ADGRL3: variants seen among roughly 807,000 people sequenced by gnomAD.
The protein encoded by ADGRL3 is adhesion G protein-coupled receptor L3, also known as calcium-independent alpha-latrotoxin receptor 3.
A neutral mutation model predicts 153.5 loss-of-function variants in ADGRL3; 62 were observed. That is an observed-to-expected ratio of 0.40 (90% CI 0.33 to 0.50). The LOEUF (loss-of-function observed/expected upper bound fraction) is 0.50, where lower values mean the gene tolerates loss of function less well. Ranked by LOEUF, ADGRL3 falls within the 20% of genes least tolerant of loss-of-function variation. ADGRL3 has a pLI of 0.47. For missense variants in ADGRL3, 1,641 were observed against 1,859.4 expected (o/e 0.88, Z 2.16); for synonymous variants, 710 against 672.5 (o/e 1.06, Z -0.86).
rs555605843 is a variant in ADGRL3 at position 61,503,213 on chromosome 4, A to AT, written c.55+5876dup. Among the ~76,000 whole-genome samples the AT allele has an allele frequency of 4.3e-3, 635 of 147,956 alleles. 7 individuals carry two copies. Among genetic ancestry groups the AT allele is most frequent in the South Asian group, 0.036 (170 of 4,686 alleles). On this transcript the variant is annotated intron_variant, in intron 3 of 26. Transcript: ENST00000683033. ...TATGCAGGTTGGCAATTGGAAAATAATTTTTTTTTTTGCTTTTGTACTTGC... is the reference window on the plus strand; with the variant it reads ...TATGCAGGTTGGCAATTGGAAAATAATTTTTTTTTTTTGCTTTTGTACTTGC...
intron 9 of ADGRL3, among the ~76,000 whole-genome samples, chr4:61,845,911 C>T (rs2098111671): frequency 6.6e-6 from 1 of 152,088 alleles, no homozygotes; most frequent in Non-Finnish European, 1.5e-5. Context: ...AGTACCATTC[C>T]TATTAACGTG....
chr4:61,360,341 A>G (rs1026807074), intron 1 of ADGRL3, among the ~76,000 whole-genome samples: 4 of 152,180 alleles, frequency 2.6e-5, no homozygotes, highest in Admixed American at 2.6e-4. Context: ...AAGATGATAT[A>G]TGAAAAATTT....
chr4:61,633,153 G>A (rs989299982), intron 5 of ADGRL3, among the ~76,000 whole-genome samples: 1 of 151,298 alleles, frequency 6.6e-6, no homozygotes, highest in Non-Finnish European at 1.5e-5. Context: ...CTGACTATTG[G>A]AGCAACTCTA....
chr4:61,803,945 T>C (rs1174147580), intron 8 of ADGRL3, among the ~76,000 whole-genome samples: 1 of 152,194 alleles, frequency 6.6e-6, no homozygotes, highest in African/African-American at 2.4e-5. Context: ...ATTCCTTTGA[T>C]TAATGCTGCA....
At chr4:61,715,970 A>C (rs1037909255) in intron 6 of ADGRL3, among the ~76,000 whole-genome samples, 1 of 149,452 alleles carries the variant, frequency 6.7e-6, no homozygotes, top group Non-Finnish European at 1.5e-5. Context: ...AAAAAAAAAA[A>C]TCCTTTCCTC....
At position 61,822,932 on chromosome 4, in the gene ADGRL3, C is replaced by T. The variant is rs1029339047; in HGVS notation, c.1480+9043C>T. Among the ~76,000 whole-genome samples the T allele has an allele frequency of 7.2e-5, 11 of 152,180 alleles. 1 individual carries two copies. The highest frequency in any genetic ancestry group is 1.5e-4 in the Non-Finnish European group (10 of 68,034). On this transcript the variant is annotated intron_variant, in intron 9 of 26. Coordinates refer to ENST00000683033, the MANE Select transcript of ADGRL3 (RefSeq NM_001387552.1). ...GGTTTGATGTGACTGGTTGCAGATCCAGTGATAATGATGCTCACGTTGAAT... is the reference window on the plus strand; with the variant it reads ...GGTTTGATGTGACTGGTTGCAGATCTAGTGATAATGATGCTCACGTTGAAT...
chr4:62,060,732 G>C (rs1434093244), intron 25 of ADGRL3, among the ~76,000 whole-genome samples: 1 of 151,382 alleles, frequency 6.6e-6, no homozygotes, highest in African/African-American at 2.4e-5. Flanking sequence ...TCATTTTTTT[G>C]TCCAAAAGGC....
intron 6 of ADGRL3, among the ~76,000 whole-genome samples, chr4:61,722,100 C>T (rs2096253146): frequency 6.6e-6 from 1 of 152,112 alleles, no homozygotes. Flanking sequence ...CCCCAAATCA[C>T]AGTTTACTTT....
chr4:61,372,836 C>T lies in ADGRL3; in HGVS notation c.-239-10288C>T, dbSNP rs563398562. On this transcript the variant is annotated intron_variant, in intron 1 of 26. Transcript: ENST00000683033. The stretch of plus-strand genomic sequence containing the variant: ...GGCGCCCCTCCCCCAGTCTCGCTGC[C>T]GCCTTGCAGTTTGATCTCAGACTGC... Among the ~76,000 whole-genome samples, 25 of 152,258 alleles carry T rather than the reference C, an allele frequency of 1.6e-4. 1 individual carries two copies. The highest frequency in any genetic ancestry group is 5.2e-4 in the Admixed American group (8 of 15,290).
chr4:61,220,784 T>C (rs1478045943), intron 1 of ADGRL3, among the ~76,000 whole-genome samples: 1 of 152,206 alleles, frequency 6.6e-6, no homozygotes, highest in African/African-American at 2.4e-5. Flanking sequence ...TGACTTATTC[T>C]GAAAGGAATG....
In ADGRL3 at chr4:61,948,155, C is replaced by A. The variant is rs1173250767; in HGVS notation, c.2684C>A (p.Thr895Lys). The A allele has an allele frequency of 4.3e-6, 7 of 1,613,566 alleles. No individual in the cohort carries two copies. In the African/African-American group the frequency reaches 9.3e-5, roughly 22 times the overall value. The change falls in exon 17 of 27, where the codon ACA (threonine) becomes AAA (lysine). Residue 895 changes from threonine to lysine, a missense_variant. By Grantham distance (78) the Thr-to-Lys change is moderately conservative. Around this residue, in one of 5 missense-constraint regions of ADGRL3, gnomAD observed 734 missense variants for 797.0 expected, o/e 0.92. Coordinates refer to ENST00000683033, the MANE Select transcript of ADGRL3 (RefSeq NM_001387552.1). ...NCSFWSYSKRTMTGYWSTQGC... is the reference protein window; with the variant it reads ...NCSFWSYSKRKMTGYWSTQGC... ...TCATTTTGGAGCTACTCCAAGCGTACAATGACAGGTTATTGGTCAACACAA... is the reference window on the plus strand; with the variant it reads ...TCATTTTGGAGCTACTCCAAGCGTAAAATGACAGGTTATTGGTCAACACAA...
intron 1 of ADGRL3, among the ~76,000 whole-genome samples, chr4:61,276,222 G>C (rs1025820412): frequency 3.3e-5 from 5 of 152,072 alleles, no homozygotes; most frequent in Admixed American, 3.3e-4. Flanking sequence ...CAACAAAGAA[G>C]GCTCTTTCCC....
In ADGRL3 at chr4:61,350,343, GTT is replaced by G. The variant is rs34524532; in HGVS notation, c.-239-32763_-239-32762del. On this transcript the variant is annotated intron_variant, in intron 1 of 26. Transcript: ENST00000683033. ...GCCTCCCAAAAACATTCTGATGGAG[GTT>G]TTTTTTTTTTTTTTTTTCTATCTGG... 7.4e-3 allele frequency among the ~76,000 whole-genome samples: 943 copies of G among 127,794 alleles called. 12 individuals carry two copies. Among genetic ancestry groups the G allele is most frequent in the African/African-American group, 0.026 (904 of 34,820 alleles). 83.8% of individuals were successfully genotyped at this position (127,794 alleles called of 152,430 possible).
chr4:61,343,165 A>T (rs559084515), intron 1 of ADGRL3, among the ~76,000 whole-genome samples: 1 of 152,308 alleles, frequency 6.6e-6, no homozygotes, highest in African/African-American at 2.4e-5. Flanking sequence ...TGGAGCTACA[A>T]TTCAAGACGA....
chr4:61,772,712 T>G (rs1371902227), intron 8 of ADGRL3, among the ~76,000 whole-genome samples: 1 of 152,144 alleles, frequency 6.6e-6, no homozygotes, highest in Non-Finnish European at 1.5e-5. Flanking sequence ...CCCTTTCCAC[T>G]GGGTATATGA....
At chr4:61,568,959 T>A (rs1326360372) in intron 4 of ADGRL3, among the ~76,000 whole-genome samples, 2 of 152,160 alleles carry the variant, frequency 1.3e-5, no homozygotes, top group African/African-American at 2.4e-5. Context: ...GAAGTCAGTT[T>A]AATGGAATCA....
At chr4:61,349,534 A>C (rs2095996960) in intron 1 of ADGRL3, among the ~76,000 whole-genome samples, 1 of 152,064 alleles carries the variant, frequency 6.6e-6, no homozygotes, top group African/African-American at 2.4e-5. Context: ...ACCATAGTTT[A>C]AAACAGTATC....
intron 1 of ADGRL3, among the ~76,000 whole-genome samples, chr4:61,318,210 A>AAAAAAAAAC (rs1560467266): frequency 7.3e-6 from 1 of 136,466 alleles, no homozygotes; most frequent in Non-Finnish European, 1.5e-5. Context: ...AAAAAAAAAA[A>AAAAAAAAAC]AAAACACAAA....
intron 4 of ADGRL3, among the ~76,000 whole-genome samples, chr4:61,546,925 G>C (rs1202964642): frequency 6.6e-6 from 1 of 152,048 alleles, no homozygotes; most frequent in African/African-American, 2.4e-5. Flanking sequence ...GCTCATGAAA[G>C]TACACAAAAA....
Sources: gnomAD v4.1 joint callset for allele counts (sites outside exome capture counted in the v4.1 genomes callset) on GRCh38, gnomAD v4.1.1 for gene constraint, gnomAD v4.1.1 regional missense constraint, MANE v1.5 for transcripts, NCBI Gene and HGNC (gene_info 2026-07-23, HGNC 2026-07-21) for gene names.